CADM2: variants seen among roughly 807,000 people sequenced by gnomAD.
CADM2 encodes the protein immunoglobulin superfamily member 4D.
A neutral mutation model predicts 49.8 loss-of-function variants in CADM2; 12 were observed. That is an observed-to-expected ratio of 0.24 (90% CI 0.15 to 0.39). The LOEUF (loss-of-function observed/expected upper bound fraction) is 0.39. Ranked by LOEUF, CADM2 falls within the 10% of genes least tolerant of loss-of-function variation. The pLI, the probability that CADM2 is intolerant of heterozygous loss-of-function variation, is 1.00. For synonymous variants in CADM2, 214 were observed against 175.4 expected, an observed-to-expected ratio of 1.22 and a Z score of -1.74; for missense variants, 378 against 492.3, an observed-to-expected ratio of 0.77 and a Z score of 2.20.
At chr3:85,277,284 C>G (rs2043380089) in intron 1 of CADM2, among the ~76,000 whole-genome samples, 1 of 151,384 alleles carries the variant, frequency 6.6e-6, no homozygotes, top group African/African-American at 2.4e-5. Flanking sequence ...GCTGAAATAA[C>G]AAGCTCAAGG....
chr3:85,582,042 T>C (rs1186869548), intron 1 of CADM2, among the ~76,000 whole-genome samples: 3 of 152,090 alleles, frequency 2.0e-5, no homozygotes, highest in Admixed American at 6.6e-5. Flanking sequence ...TTCTCCTGCC[T>C]CAGTCACCCA....
chr3:85,445,026 T>A (rs749708219), intron 1 of CADM2, among the ~76,000 whole-genome samples: 8 of 152,144 alleles, frequency 5.3e-5, no homozygotes, highest in Non-Finnish European at 1.0e-4. Context: ...AACAATGTCA[T>A]CATTATCATG....
intron 2 of CADM2, among the ~76,000 whole-genome samples, chr3:85,731,357 T>C (rs1388488313): frequency 6.6e-6 from 1 of 152,164 alleles, no homozygotes; most frequent in Non-Finnish European, 1.5e-5. Context: ...AATCTTTGTT[T>C]TGCAACTCGC....
At position 85,825,506 on chromosome 3, in the gene CADM2, G is replaced by A. The variant is rs148286608; in HGVS notation, c.238+23310G>A. On this transcript the variant is annotated intron_variant, in intron 3 of 9. Transcript: ENST00000383699. ...TGGCTGAACCTAATTGTAAGCCAGAGGACAGGGGTGCTGGGAAAATGCATT... is the reference window on the plus strand; with the variant it reads ...TGGCTGAACCTAATTGTAAGCCAGAAGACAGGGGTGCTGGGAAAATGCATT... Among the ~76,000 whole-genome samples, 970 of 152,136 alleles carry A rather than the reference G, an allele frequency of 6.4e-3. 7 individuals carry two copies. The highest frequency in any genetic ancestry group is 0.027 in the Middle Eastern group (8 of 294).
At chr3:85,888,759 A>T (rs766321737) in intron 5 of CADM2, among the ~76,000 whole-genome samples, 15 of 152,186 alleles carry the variant, frequency 9.9e-5, no homozygotes, top group Non-Finnish European at 1.2e-4. Flanking sequence ...CTACGGCACA[A>T]AGTAAATATT....
chr3:85,729,809 G>A (rs1025069938), intron 2 of CADM2, among the ~76,000 whole-genome samples: 2 of 152,072 alleles, frequency 1.3e-5, no homozygotes, highest in Non-Finnish European at 2.9e-5. Flanking sequence ...GAAATAATAT[G>A]AATGTTTTCT....
chr3:85,011,244 G>T (rs1345735893), intron 1 of CADM2, among the ~76,000 whole-genome samples: 6 of 151,870 alleles, frequency 4.0e-5, no homozygotes, highest in East Asian at 1.9e-4. Context: ...TTGATTTGTC[G>T]ATCATTATGA....
chr3:85,834,049 G>A (rs2074299753), intron 3 of CADM2, among the ~76,000 whole-genome samples: 1 of 151,418 alleles, frequency 6.6e-6, no homozygotes, highest in East Asian at 1.9e-4. Flanking sequence ...AATTTTATAG[G>A]ATTTAAGTGC....
intron 1 of CADM2, among the ~76,000 whole-genome samples, chr3:85,208,145 C>A (rs1470726157): frequency 1.3e-5 from 2 of 152,112 alleles, no homozygotes; most frequent in Non-Finnish European, 2.9e-5. Flanking sequence ...GCACTTTTTA[C>A]ATTATTGATA....
At position 85,908,990 on chromosome 3, in the gene CADM2, C is replaced by T. The variant is rs1269407778; in HGVS notation, c.530-3383C>T. On this transcript the variant is annotated intron_variant, in intron 5 of 9. Transcript: ENST00000383699. ...CCTCCCACCTCGGCCTCCCAAAGTG[C>T]TGGGATTACAGGCGTGAGCCACCAC... Among the ~76,000 whole-genome samples the T allele has an allele frequency of 5.9e-5, 9 of 152,130 alleles. No homozygotes were observed. The East Asian group carries it at 1.7e-3, about 29-fold the overall frequency.
chr3:85,026,174 C>G (rs951559870), intron 1 of CADM2, among the ~76,000 whole-genome samples: 2 of 152,040 alleles, frequency 1.3e-5, no homozygotes, highest in Non-Finnish European at 2.9e-5. Flanking sequence ...GTTTTCATAT[C>G]AGATAAAAAT....
chr3:85,945,306 AG>A (rs914468678), intron 7 of CADM2, among the ~76,000 whole-genome samples: 6 of 152,154 alleles, frequency 3.9e-5, no homozygotes, highest in African/African-American at 1.4e-4. Flanking sequence ...AACAAAAAAA[AG>A]TCCCAGACCA....
At chr3:85,502,485 AAAAAAG>A (rs1199662837) in intron 1 of CADM2, among the ~76,000 whole-genome samples, 2 of 152,118 alleles carry the variant, frequency 1.3e-5, no homozygotes, top group Non-Finnish European at 1.5e-5. Flanking sequence ...TATTGTTAAA[AAAAAAG>A]AAAAAGAAAA....
intron 3 of CADM2, among the ~76,000 whole-genome samples, chr3:85,876,822 A>G (rs1055726958): frequency 4.6e-5 from 7 of 151,834 alleles, no homozygotes; most frequent in African/African-American, 1.7e-4. Context: ...TTGGTCTAAA[A>G]CTAACTAATA....
At chr3:85,355,660 G>T (rs987777748) in intron 1 of CADM2, among the ~76,000 whole-genome samples, 1 of 152,054 alleles carries the variant, frequency 6.6e-6, no homozygotes. Context: ...AAATAAAATC[G>T]CGAAAACATA....
At position 86,070,562 on chromosome 3, in the gene CADM2, A is replaced by G. The variant is rs1313634575; in HGVS notation, c.*3779A>G. On this transcript the variant is annotated 3_prime_UTR_variant, in exon 10 of 10. Transcript: ENST00000383699. ...CAACTTTCCCATGGTATTGCTAATT[A>G]CTTAGAGTCTCTAAAATTGCCCAAT... is the stretch of plus-strand genomic sequence containing the variant. 6.6e-6 allele frequency: 1 copy of G among 151,870 alleles called. No individual in the cohort carries two copies. The highest frequency in any genetic ancestry group is 1.5e-5 in the Non-Finnish European group (1 of 67,836). 9.4% of individuals were successfully genotyped at this position (151,870 alleles called of 1,614,324 possible).
chr3:85,811,299 A>G (rs1031555208), intron 3 of CADM2, among the ~76,000 whole-genome samples: 4 of 152,346 alleles, frequency 2.6e-5, no homozygotes, highest in Admixed American at 2.0e-4. Flanking sequence ...AGTCCTTTTA[A>G]AAGTTATTGG....
chr3:85,671,575 A>C (rs2065737267), intron 1 of CADM2, among the ~76,000 whole-genome samples: 2 of 152,124 alleles, frequency 1.3e-5, no homozygotes, highest in South Asian at 4.1e-4. Flanking sequence ...TCATCGCAGT[A>C]CCTTTAACCC....
intron 3 of CADM2, among the ~76,000 whole-genome samples, chr3:85,808,571 G>T (rs1470192720): frequency 6.6e-6 from 1 of 152,006 alleles, no homozygotes; most frequent in Non-Finnish European, 1.5e-5. Flanking sequence ...TCCTATTATT[G>T]ACAAAAATAC....
Sources: allele counts gnomAD v4.1 joint callset (sites outside exome capture counted in the v4.1 genomes callset), GRCh38; gene constraint gnomAD v4.1.1; transcripts MANE v1.5; gene names NCBI Gene and HGNC (gene_info 2026-07-23, HGNC 2026-07-21).